Variants in SLC37A2 observed in about 807,000 individuals in gnomAD.
The protein encoded by SLC37A2 is glucose-6-phosphate exchanger SLC37A2.
A neutral mutation model predicts 70.7 loss-of-function variants in SLC37A2; 59 were observed. The ratio of observed to expected loss-of-function variants is 0.83; its 90% CI spans 0.68 to 1.04. The LOEUF is 1.04. Among genes scored for constraint, SLC37A2 ranks in the 50% least tolerant of loss-of-function variants. The pLI, the probability that SLC37A2 is intolerant of heterozygous loss-of-function variation, is 0.00. For synonymous variants in SLC37A2, 257 were observed against 262.1 expected, an observed-to-expected ratio of 0.98 and a Z score of 0.19; for missense variants, 580 against 658.1, an observed-to-expected ratio of 0.88 and a Z score of 1.30.
intron 17 of SLC37A2, chr11:125,087,868 G>A (rs1301374982): frequency 5.3e-6 from 2 of 377,798 alleles, no homozygotes; most frequent in Non-Finnish European, 9.8e-6. Flanking sequence ...CCAACCTCAG[G>A]TGACTCACCC....
chr11:125,083,834 G>C lies in SLC37A2; in HGVS notation c.996G>C (p.Glu332Asp). 1.2e-6 allele frequency: 2 copies of C among 1,614,200 alleles called. No individual in the cohort carries two copies. The highest frequency in any genetic ancestry group is 1.7e-6 in the Non-Finnish European group (2 of 1,180,036). Reference sequence around the variant, plus strand: ...CCACAGCTCACTTTAGTGCCAAGGAGGCTGGGGACCTGTCTACACTCTTCG... The same window carrying C: ...CCACAGCTCACTTTAGTGCCAAGGACGCTGGGGACCTGTCTACACTCTTCG... ...IANVAHFSAK[E>D]AGDLSTLFDV... Residue 332 changes from glutamate (E) to aspartate (D), a missense_variant, in exon 11 of 18, where the codon GAG becomes GAC. By Grantham distance (45) the Glu-to-Asp change is conservative. Transcript: ENST00000403796. The surrounding 1 kb of genome is among the most constrained non-coding windows in gnomAD (Gnocchi z 4.6).
chr11:125,089,496 G>T lies in SLC37A2; in HGVS notation c.*1362G>T, dbSNP rs7937112. ...CCCTCAGCTTGCAGGGAGGTGTGGA[G>T]CGAGAGGCGCGAGCGGGAACCGGGG... On this transcript the variant is annotated 3_prime_UTR_variant, in exon 18 of 18. Coordinates refer to ENST00000403796, the MANE Select transcript of SLC37A2 (RefSeq NM_001145290.2). 0.76 allele frequency: 116,975 copies of T among 152,996 alleles called. 45,058 individuals carry two copies. Among genetic ancestry groups the T allele is most frequent in the African/African-American group, 0.87 (36,136 of 41,468 alleles). The allele number at this position is 152,996 out of a possible 1,614,324, so 9.5% of individuals were successfully genotyped here.
At chr11:125,079,874 C>T (rs1377818743) in intron 6 of SLC37A2, 114 bp downstream of exon 6, 8 of 796,654 alleles carry the variant, frequency 1.0e-5, no homozygotes, top group Non-Finnish European at 1.7e-5. Context: ...GCGGCCTCCA[C>T]GTTGCTGTTC....
chr11:125,086,005 A>C lies in SLC37A2; in HGVS notation c.1477A>C (p.Ser493Arg), dbSNP rs748061436. ...KEILAWKVSL[S>R]RGSGYKEI ...GATCTTGGCCTGGAAGGTGTCCCTG[A>C]GCAGAGGCAGCGGGTGAGTCCGGGG... The change falls in exon 17 of 18, where the codon AGC (serine) becomes CGC (arginine). Residue 493 changes from serine (S) to arginine (R), a missense_variant. By Grantham distance (110) the Ser-to-Arg change is moderately radical. Coordinates refer to ENST00000403796, the MANE Select transcript of SLC37A2 (RefSeq NM_001145290.2). 19 of 1,613,968 alleles carry C rather than the reference A, an allele frequency of 1.2e-5. No individual in the cohort carries two copies. The East Asian group carries it at 4.2e-4, about 36-fold the overall frequency.
rs115518999 is a variant in SLC37A2 at position 125,081,679 on chromosome 11, G to C, written c.733-75G>C. Reference sequence around the variant, plus strand: ...CCCATCCTGGGAGCCAGTGTCTCTTGCCTGGGCTGCACCTTCAGCTGGTGG... The same window carrying C: ...CCCATCCTGGGAGCCAGTGTCTCTTCCCTGGGCTGCACCTTCAGCTGGTGG... On this transcript the variant is annotated intron_variant, in intron 8 of 17. Coordinates refer to ENST00000403796, the MANE Select transcript of SLC37A2 (RefSeq NM_001145290.2). The C allele has an allele frequency of 1.6e-4, 247 of 1,504,838 alleles. 1 individual carries two copies. The African/African-American group carries it at 3.1e-3, about 19-fold the overall frequency. 93.2% of individuals were successfully genotyped at this position (1,504,838 alleles called of 1,614,324 possible). A position where few individuals can be genotyped will look rare whatever the true frequency, so the allele number is the denominator to read the frequency against.
intron 14 of SLC37A2, 29 bp from the exon 15 acceptor site, chr11:125,085,366 G>A: frequency 6.2e-7 from 1 of 1,605,878 alleles, no homozygotes; most frequent in Non-Finnish European, 8.5e-7. Context: ...TGCTCAGCTG[G>A]GCTTCCCCAC....
rs780346972 is a variant in SLC37A2 at position 125,077,334 on chromosome 11, G to A, written c.235+11G>A. On this transcript the variant is annotated intron_variant, in intron 3 of 17. Coordinates refer to ENST00000403796, the MANE Select transcript of SLC37A2 (RefSeq NM_001145290.2). Reference sequence around the variant, plus strand: ...GCTGGGCCCCATTTGGTAAGAACAGGGCAAGTTGCTCTTCCCATTCCCCAT... The same window carrying A: ...GCTGGGCCCCATTTGGTAAGAACAGAGCAAGTTGCTCTTCCCATTCCCCAT... The A allele has an allele frequency of 6.3e-6, 10 of 1,597,550 alleles. No individual in the cohort carries two copies. The African/African-American group carries it at 1.2e-4, about 19-fold the overall frequency.
chr11:125,064,669 A>G lies in SLC37A2; in HGVS notation c.59+1243A>G, dbSNP rs554332079. Among the ~76,000 whole-genome samples, 9 of 152,324 alleles carry G rather than the reference A, an allele frequency of 5.9e-5. No homozygotes were observed. In the East Asian group the frequency reaches 1.7e-3, roughly 29 times the overall value. On this transcript the variant is annotated intron_variant, in intron 1 of 17. Coordinates refer to ENST00000403796, the MANE Select transcript of SLC37A2 (RefSeq NM_001145290.2). ...GAGACTGTTAAAAGATATTTTTCAG[A>G]AAAAGATTAAAATCCTGACTCTCAC...
chr11:125,077,114 C>A (rs940116872), intron 2 of SLC37A2, 116 bp from the exon 3 acceptor site: 18 of 854,784 alleles, frequency 2.1e-5, no homozygotes, highest in Non-Finnish European at 3.1e-5. Context: ...GAGGAGGTGC[C>A]AGTAGCGGGG....
At position 125,063,870 on chromosome 11, in the gene SLC37A2, A is replaced by G. The variant is rs1478857490; in HGVS notation, c.59+444A>G. 3.3e-5 allele frequency among the ~76,000 whole-genome samples: 5 copies of G among 152,190 alleles called. No individual in the cohort carries two copies. Among genetic ancestry groups the G allele is most frequent in the Non-Finnish European group, 7.3e-5 (5 of 68,034 alleles). ...GTGAGTGTCCCTCTTGGTCTCCTTTAGCCCTCGAACACCAAGGCCAGAACT... is the reference window on the plus strand; with the variant it reads ...GTGAGTGTCCCTCTTGGTCTCCTTTGGCCCTCGAACACCAAGGCCAGAACT... On this transcript the variant is annotated intron_variant, in intron 1 of 17. Coordinates refer to ENST00000403796, the MANE Select transcript of SLC37A2 (RefSeq NM_001145290.2). This position sits in a 1 kb window ranked among gnomAD's most constrained non-coding sequence, Gnocchi z 5.4.
intron 11 of SLC37A2, 127 bp downstream of exon 11, chr11:125,084,004 G>T: frequency 9.7e-7 from 1 of 1,028,824 alleles, no homozygotes; most frequent in Non-Finnish European, 1.5e-6. Flanking sequence ...TGGCTCCTGG[G>T]TTTATTCTCA....
intron 8 of SLC37A2, 123 bp downstream of exon 8, chr11:125,081,581 C>T: frequency 1.4e-6 from 2 of 1,379,836 alleles, no homozygotes; most frequent in Non-Finnish European, 2.0e-6. Context: ...CGACCCAGTG[C>T]TAGGCCCATG....
At chr11:125,078,995 G>A in intron 4 of SLC37A2, 117 bp from the exon 5 acceptor site, 1 of 1,326,286 alleles carries the variant, frequency 7.5e-7, no homozygotes, top group African/African-American at 1.5e-5. Flanking sequence ...CAACACAGAA[G>A]TCATTGGTGG....
Position 125,080,911 on chromosome 11 carries a change from T to C in SLC37A2, c.694+131T>C, listed in dbSNP as rs1949140006. On this transcript the variant is annotated intron_variant, in intron 7 of 17. Transcript: ENST00000403796. This position sits in a 1 kb window ranked among gnomAD's most constrained non-coding sequence, Gnocchi z 4.3. The stretch of plus-strand genomic sequence containing the variant: ...CAGCCGTGTGACTTTGGACAATCTT[T>C]CAGAGCCTTTATTTTCTCATTTGTA... 1 of 615,422 alleles carries C rather than the reference T, an allele frequency of 1.6e-6. No individual in the cohort carries two copies. Among genetic ancestry groups the C allele is most frequent in the Non-Finnish European group, 2.4e-6 (1 of 414,480 alleles). 38.1% of individuals were successfully genotyped at this position (615,422 alleles called of 1,614,324 possible). A position where few individuals can be genotyped will look rare whatever the true frequency, so the allele number is the denominator to read the frequency against.
At position 125,081,919 on chromosome 11, in the gene SLC37A2, T is replaced by A; in HGVS notation, c.885+13T>A. The stretch of plus-strand genomic sequence containing the variant: ...GCTCCGGATCCCAGTAAGAAGTTTG[T>A]GGAATGGAGGAAAGAGAGGGGCTTT... On this transcript the variant is annotated intron_variant, in intron 9 of 17. Coordinates refer to ENST00000403796, the MANE Select transcript of SLC37A2 (RefSeq NM_001145290.2). 6.3e-7 allele frequency: 1 copy of A among 1,594,834 alleles called. No homozygotes were observed. The highest frequency in any genetic ancestry group is 8.5e-7 in the Non-Finnish European group (1 of 1,170,442).
chr11:125,070,920 G>A (rs1383620345), intron 1 of SLC37A2, among the ~76,000 whole-genome samples: 1 of 152,224 alleles, frequency 6.6e-6, no homozygotes, highest in Non-Finnish European at 1.5e-5. Flanking sequence ...AGGCCCTGTG[G>A]GCTGGTCTAG....
rs1357317099 is a variant in SLC37A2 at position 125,083,928 on chromosome 11, T to C, written c.1039+51T>C. 2 of 1,567,076 alleles carry C rather than the reference T, an allele frequency of 1.3e-6. No individual in the cohort carries two copies. The highest frequency in any genetic ancestry group is 2.7e-5 in the African/African-American group (2 of 73,996). ...CAGGCTCCCTTCCCCTCTTTTCTTGTGGGGTGCAGGAAGAAGGGACAGGTC... is the reference window on the plus strand; with the variant it reads ...CAGGCTCCCTTCCCCTCTTTTCTTGCGGGGTGCAGGAAGAAGGGACAGGTC... On this transcript the variant is annotated intron_variant, in intron 11 of 17. Coordinates refer to ENST00000403796, the MANE Select transcript of SLC37A2 (RefSeq NM_001145290.2). The surrounding 1 kb of genome is among the most constrained non-coding windows in gnomAD (Gnocchi z 4.6).
At position 125,069,151 on chromosome 11, in the gene SLC37A2, T is replaced by C. The variant is rs1413031606; in HGVS notation, c.59+5725T>C. ...TTTTCCTACTACTTTGTGCCAGGCATTGTTTATTTGTAATTTTTGTGGAAC... is the reference window on the plus strand; with the variant it reads ...TTTTCCTACTACTTTGTGCCAGGCACTGTTTATTTGTAATTTTTGTGGAAC... On this transcript the variant is annotated intron_variant, in intron 1 of 17. Transcript: ENST00000403796. Among the ~76,000 whole-genome samples the C allele has an allele frequency of 2.0e-5, 3 of 152,234 alleles. No homozygotes were observed. In the East Asian group the frequency reaches 5.8e-4, roughly 29 times the overall value.
intron 1 of SLC37A2, among the ~76,000 whole-genome samples, chr11:125,064,388 A>C (rs974172560): frequency 1.3e-5 from 2 of 152,088 alleles, no homozygotes; most frequent in Non-Finnish European, 2.9e-5. Context: ...GAAAAGAAAA[A>C]TGGATGATGT....
Sources: allele counts gnomAD v4.1 joint callset (sites outside exome capture counted in the v4.1 genomes callset), GRCh38; gene constraint gnomAD v4.1.1; non-coding constraint Gnocchi (gnomAD v3.1); transcripts MANE v1.5; gene names NCBI Gene and HGNC (gene_info 2026-07-23, HGNC 2026-07-21).